Variants in CNTN2 observed in about 807,000 individuals in gnomAD.
The protein encoded by CNTN2 is contactin 2.
CNTN2 carries 53 observed loss-of-function variants against 117.5 expected under a neutral mutation model. The ratio of observed to expected loss-of-function variants is 0.45; its 90% CI spans 0.36 to 0.57. The LOEUF is 0.57. CNTN2 is among the 20% of genes least tolerant of loss of function. The pLI, the probability that CNTN2 is intolerant of heterozygous loss-of-function variation, is 0.00. For missense variants in CNTN2, 1,106 were observed against 1,404.3 expected, an observed-to-expected ratio of 0.79 and a Z score of 3.39; for synonymous variants, 530 against 561.7, an observed-to-expected ratio of 0.94 and a Z score of 0.80.
At chr1:205,066,072 C>G (rs1654274248) in intron 14 of CNTN2, 163 bp downstream of exon 14, 1 of 829,366 alleles carries the variant, frequency 1.2e-6, no homozygotes, top group African/African-American at 1.7e-5. Flanking sequence ...CTTCACAGGT[C>G]CTAAATGATC....
At chr1:205,056,230 G>A (rs1653601387) in intron 2 of CNTN2, among the ~76,000 whole-genome samples, 1 of 152,198 alleles carries the variant, frequency 6.6e-6, no homozygotes, top group Non-Finnish European at 1.5e-5. Flanking sequence ...CCTGGAAGCT[G>A]CTATTGTACT....
rs373929209 is a variant in CNTN2 at position 205,064,775 on chromosome 1, C to A, written c.1519+25C>A. 36 of 1,612,294 alleles carry A rather than the reference C, an allele frequency of 2.2e-5. No homozygotes were observed. In the East Asian group the frequency reaches 6.5e-4, roughly 29 times the overall value. ...GGTGAGGGCTGCCATGTGGGTAGGC[C>A]GGGGGCTCAGCCTCCTCAGGGTACT... On this transcript the variant is annotated intron_variant, in intron 12 of 22. Transcript: ENST00000331830.
chr1:205,061,531 G>T lies in CNTN2; in HGVS notation c.973+111G>T. 1 of 1,266,796 alleles carries T rather than the reference G, an allele frequency of 7.9e-7. No individual in the cohort carries two copies. 78.5% of individuals were successfully genotyped at this position (1,266,796 alleles called of 1,614,324 possible). A position where few individuals can be genotyped will look rare whatever the true frequency, so the allele number is the denominator to read the frequency against. ...CAGGGAGGAGACTGGGAGGCCCCCT[G>T]CATGAGCCTGCTTGCCCTAGGACTG... On this transcript the variant is annotated intron_variant, in intron 8 of 22. Transcript: ENST00000331830. This position sits in a 1 kb window ranked among gnomAD's most constrained non-coding sequence, Gnocchi z 4.8.
Position 205,048,455 on chromosome 1 carries a change from T to C in CNTN2, c.-86-4645T>C, listed in dbSNP as rs1225338762. Among the ~76,000 whole-genome samples the C allele has an allele frequency of 6.6e-6, 1 of 150,490 alleles. No individual in the cohort carries two copies. The highest frequency in any genetic ancestry group is 1.5e-5 in the Non-Finnish European group (1 of 67,670). ...AACCCCCCAGTGGTCCACTCCCCCA[T>C]GTGCTGGTGCCTTGCAGGACCAGCC... On this transcript the variant is annotated intron_variant, in intron 1 of 22. Transcript: ENST00000331830. This position sits in a 1 kb window ranked among gnomAD's most constrained non-coding sequence, Gnocchi z 4.1.
rs914274037 is a variant in CNTN2 at position 205,059,002 on chromosome 1, C to T, written c.488-82C>T. ...GCTGTCAGGACAGGGCTTGCAGAAC[C>T]GCACCAGCATGCTGGGGTCCCACCC... On this transcript the variant is annotated intron_variant, in intron 5 of 22. Transcript: ENST00000331830. This position sits in a 1 kb window ranked among gnomAD's most constrained non-coding sequence, Gnocchi z 5.6. 61 of 1,274,950 alleles carry T rather than the reference C, an allele frequency of 4.8e-5. No homozygotes were observed. Among genetic ancestry groups the T allele is most frequent in the South Asian group, 3.1e-4 (24 of 77,314 alleles). 79.0% of individuals were successfully genotyped at this position (1,274,950 alleles called of 1,614,324 possible).
intron 16 of CNTN2, 46 bp downstream of exon 16, chr1:205,067,296 C>T: frequency 6.3e-7 from 1 of 1,582,446 alleles, no homozygotes; most frequent in Non-Finnish European, 8.6e-7. Context: ...GGGCAGAGAC[C>T]CTGGCACCAC....
rs555512649 is a variant in CNTN2, at chr1:205,058,058, A to T, written c.208A>T (p.Thr70Ser). 13 of 1,613,284 alleles carry T rather than the reference A, an allele frequency of 8.1e-6. No homozygotes were observed. Among genetic ancestry groups the T allele is most frequent in the African/African-American group, 1.3e-5 (1 of 74,928 alleles). ...CCGCGCCCGGGCCAGCCCTCCAGCCACCTATCGGTAAGGCCTCTGCAGTGG... is the reference window on the plus strand; with the variant it reads ...CCGCGCCCGGGCCAGCCCTCCAGCCTCCTATCGGTAAGGCCTCTGCAGTGG... ...ACRARASPPA[T>S]YRWKMNGTEM... The change falls in exon 3 of 23, where the codon ACC becomes TCC. Residue 70 changes from threonine (T) to serine (S), a missense_variant. Physicochemically the swap from Thr to Ser is moderately conservative, Grantham distance 58 (BLOSUM62 1). Transcript: ENST00000331830. This position sits in a 1 kb window ranked among gnomAD's most constrained non-coding sequence, Gnocchi z 4.3.
At position 205,043,349 on chromosome 1, in the gene CNTN2, C is replaced by T. The variant is rs553183612; in HGVS notation, c.-132C>T. 42 of 152,548 alleles carry T rather than the reference C, an allele frequency of 2.8e-4. No individual in the cohort carries two copies. The highest frequency in any genetic ancestry group is 9.4e-4 in the African/African-American group (39 of 41,598). 9.4% of individuals were successfully genotyped at this position (152,548 alleles called of 1,614,324 possible). A position where few individuals can be genotyped will look rare whatever the true frequency, so the allele number is the denominator to read the frequency against. ...CCCGGCCGGCCCCGGCTCACCGACT[C>T]GGGCAGCATCCACCTGCCCCAGCCA... On this transcript the variant is annotated 5_prime_UTR_variant, in exon 1 of 23. Coordinates refer to ENST00000331830, the MANE Select transcript of CNTN2 (RefSeq NM_005076.5).
At chr1:205,051,503 G>A (rs994969625) in intron 1 of CNTN2, among the ~76,000 whole-genome samples, 1 of 152,164 alleles carries the variant, frequency 6.6e-6, no homozygotes, top group African/African-American at 2.4e-5. Context: ...GAGTGGCAAG[G>A]ACAGGGAGGG....
At chr1:205,055,567 T>TG (rs2096459673) in intron 2 of CNTN2, among the ~76,000 whole-genome samples, 1 of 152,210 alleles carries the variant, frequency 6.6e-6, no homozygotes, top group Non-Finnish European at 1.5e-5. Context: ...TTCTAAGACT[T>TG]GGTCTCCTGA....
chr1:205,046,962 CAAAG>C lies in CNTN2; in HGVS notation c.-87+3570_-87+3573del, dbSNP rs1338243212. 6.6e-4 allele frequency among the ~76,000 whole-genome samples: 101 copies of C among 152,208 alleles called. 3 individuals are homozygous for C. The East Asian group carries it at 0.016, about 24-fold the overall frequency. ...TTAGAGTAGGTCTCTCTTGCAGGGG[CAAAG>C]ACTCTAGGCTCAGATCAAGGGCCAG... On this transcript the variant is annotated intron_variant, in intron 1 of 22. Coordinates refer to ENST00000331830, the MANE Select transcript of CNTN2 (RefSeq NM_005076.5).
intron 17 of CNTN2, 83 bp downstream of exon 17, chr1:205,069,644 G>T: frequency 6.7e-7 from 1 of 1,494,602 alleles, no homozygotes; most frequent in Non-Finnish European, 9.2e-7. Flanking sequence ...CCACTGCACA[G>T]CTCTGACTCA....
chr1:205,061,129 T>C lies in CNTN2; in HGVS notation c.798-116T>C. 8.5e-7 allele frequency: 1 copy of C among 1,182,326 alleles called. No individual in the cohort carries two copies. Among genetic ancestry groups the C allele is most frequent in the South Asian group, 1.6e-5 (1 of 64,036 alleles). 73.2% of individuals were successfully genotyped at this position (1,182,326 alleles called of 1,614,324 possible). ...CCAGAAGGCACCCTCTCTCCCTCTGTTCCTCCCAGGCCCAGCATCTCAGGA... is the reference window on the plus strand; with the variant it reads ...CCAGAAGGCACCCTCTCTCCCTCTGCTCCTCCCAGGCCCAGCATCTCAGGA... On this transcript the variant is annotated intron_variant, in intron 7 of 22. Transcript: ENST00000331830. The surrounding 1 kb of genome is among the most constrained non-coding windows in gnomAD (Gnocchi z 4.8).
intron 9 of CNTN2, 200 bp downstream of exon 9, chr1:205,062,201 T>A (rs368126589): frequency 1.7e-5 from 14 of 839,626 alleles, no homozygotes; most frequent in Admixed American, 3.1e-5. Flanking sequence ...CCAGGCACAG[T>A]TCAGCCACAA....
In CNTN2 at chr1:205,074,193, G is replaced by A. The variant is rs1163536975; in HGVS notation, c.*428G>A. 4 of 444,726 alleles carry A rather than the reference G, an allele frequency of 9.0e-6. No homozygotes were observed. Among genetic ancestry groups the A allele is most frequent in the East Asian group, 3.2e-5 (1 of 31,506 alleles). The allele number at this position is 444,726 out of a possible 1,614,324, so 27.5% of individuals were successfully genotyped here. On this transcript the variant is annotated 3_prime_UTR_variant, in exon 23 of 23. Transcript: ENST00000331830. ...CATGAACAGGTTGAAGAACTGGAGC[G>A]AAGTGCACACCTCACCATCCTTCAG... is the stretch of plus-strand genomic sequence containing the variant.
In CNTN2 at chr1:205,069,960, G is replaced by A. The variant is rs770201191; in HGVS notation, c.2330G>A (p.Ser777Asn). The A allele has an allele frequency of 1.9e-6, 3 of 1,613,670 alleles. No homozygotes were observed. The highest frequency in any genetic ancestry group is 1.7e-5 in the Admixed American group (1 of 60,018). ...DAQYFVYSNE[S>N]VRPYTPFEVK... ...CAGTACTTTGTCTACAGCAACGAGA[G>A]CGTCCGGCCCTACACGCCCTTTGAG... Residue 777 changes from serine (S) to asparagine (N), a missense_variant, in exon 18 of 23, where the codon AGC (serine) becomes AAC (asparagine). Transcript: ENST00000331830.
In CNTN2 at chr1:205,065,121, C is replaced by T. The variant is rs769684489; in HGVS notation, c.1554C>T (p.Ala518=). Residue 518 remains alanine, a synonymous_variant, in exon 13 of 23, where the codon GCC becomes GCT. Transcript: ENST00000331830. The surrounding 1 kb of genome is among the most constrained non-coding windows in gnomAD (Gnocchi z 4.1). ...ATKITLAPSS[A]DINLGDNLTL... is the part of the protein sequence containing the mutation. ...AAATCACTCTAGCCCCCTCAAGTGC[C>T]GACATCAACTTGGGTGACAACCTGA... 4.1e-5 allele frequency: 66 copies of T among 1,614,136 alleles called. No individual in the cohort carries two copies. The highest frequency in any genetic ancestry group is 5.3e-5 in the Non-Finnish European group (62 of 1,180,012).
chr1:205,049,282 ACACACAC>A (rs2096447959), intron 1 of CNTN2, among the ~76,000 whole-genome samples: 50 of 48,872 alleles, frequency 1.0e-3, no homozygotes, highest in African/African-American at 3.2e-3. Context: ...CTCACACCCG[ACACACAC>A]ACACACACAC....
chr1:205,056,312 C>A (rs1259033079), intron 2 of CNTN2, among the ~76,000 whole-genome samples: 1 of 152,196 alleles, frequency 6.6e-6, no homozygotes, highest in Non-Finnish European at 1.5e-5. Flanking sequence ...CCAGCTGGGG[C>A]AGGATTCCTA....
Sources: gnomAD v4.1 joint callset for allele counts (sites outside exome capture counted in the v4.1 genomes callset) on GRCh38, gnomAD v4.1.1 for gene constraint, Gnocchi (gnomAD v3.1) non-coding constraint, MANE v1.5 for transcripts, NCBI Gene and HGNC (gene_info 2026-07-23, HGNC 2026-07-21) for gene names.